AFG2A: variants seen among roughly 807,000 people sequenced by gnomAD.
The protein encoded by AFG2A is AAA ATPase AFG2A, also known as ATPase family gene 2 protein homolog A.
chr4:123,263,472 G>A, the AFG2A span, among the ~76,000 whole-genome samples: 1 of 152,204 alleles, frequency 6.6e-6, no homozygotes, highest in Non-Finnish European at 1.5e-5. Context: ...ATAAACAAAT[G>A]GAGATTTTAC....
At chr4:123,290,916 G>A in the AFG2A span, among the ~76,000 whole-genome samples, 3 of 152,076 alleles carry the variant, frequency 2.0e-5, no homozygotes, top group Admixed American at 1.3e-4. Flanking sequence ...CACTATTATT[G>A]TATTGCTCTC....
the AFG2A span, among the ~76,000 whole-genome samples, chr4:123,220,978 A>G: frequency 2.0e-5 from 3 of 152,176 alleles, no homozygotes; most frequent in South Asian, 2.1e-4. Context: ...TACATCAACT[A>G]TGTAGTATCC....
chr4:123,041,277 ATT>A, the AFG2A span, among the ~76,000 whole-genome samples: 54 of 118,154 alleles, frequency 4.6e-4, 1 homozygote, highest in African/African-American at 6.2e-4. Context: ...CGCCCAGCTA[ATT>A]TTTTTTTTTT....
the AFG2A span, among the ~76,000 whole-genome samples, chr4:123,092,883 C>T: frequency 6.6e-5 from 10 of 152,214 alleles, no homozygotes; most frequent in South Asian, 1.5e-3. Context: ...ATGGAAAACT[C>T]CATTATGTTT....
At chr4:122,999,307 G>A in the AFG2A span, among the ~76,000 whole-genome samples, 54 of 152,126 alleles carry the variant, frequency 3.5e-4, 1 homozygote, top group Non-Finnish European at 6.8e-4. Context: ...AAGTTCTTTG[G>A]TTTAATTAGA....
the AFG2A span, chr4:122,935,603 T>C: frequency 1.5e-6 from 2 of 1,298,044 alleles, no homozygotes; most frequent in Non-Finnish European, 1.0e-6. Context: ...CTTGACTCTT[T>C]TTGTGACGCA....
At chr4:122,991,312 T>A in the AFG2A span, among the ~76,000 whole-genome samples, 1 of 152,204 alleles carries the variant, frequency 6.6e-6, no homozygotes, top group Non-Finnish European at 1.5e-5. Flanking sequence ...AGGCTTGCCT[T>A]CCCTTGCTGC....
the AFG2A span, among the ~76,000 whole-genome samples, chr4:123,117,815 C>T: frequency 6.6e-6 from 1 of 151,028 alleles, no homozygotes; most frequent in Non-Finnish European, 1.5e-5. Context: ...CAGATGAGAT[C>T]TGTATTCTGT....
At chr4:123,125,251 C>G in the AFG2A span, among the ~76,000 whole-genome samples, 1 of 152,156 alleles carries the variant, frequency 6.6e-6, no homozygotes, top group Non-Finnish European at 1.5e-5. Context: ...AAGACAGTAT[C>G]AAATTGTTCT....
At chr4:123,075,717 G>A in the AFG2A span, among the ~76,000 whole-genome samples, 8,135 of 151,776 alleles carry the variant, frequency 0.054, 515 homozygotes, top group African/African-American at 0.16. Flanking sequence ...TAGCACTTAG[G>A]GAGGCTGAGG....
chr4:123,020,259 C>T, the AFG2A span, among the ~76,000 whole-genome samples: 1 of 151,932 alleles, frequency 6.6e-6, no homozygotes, highest in African/African-American at 2.4e-5. Context: ...TGCAGTTTCA[C>T]TGTAGAAAAT....
the AFG2A span, among the ~76,000 whole-genome samples, chr4:123,152,834 A>G: frequency 6.6e-6 from 1 of 152,234 alleles, no homozygotes; most frequent in African/African-American, 2.4e-5. Flanking sequence ...ATAATTGCCA[A>G]AAGTTGGAAG....
the AFG2A span, among the ~76,000 whole-genome samples, chr4:122,940,548 G>A: frequency 7.9e-5 from 12 of 152,250 alleles, no homozygotes; most frequent in African/African-American, 2.4e-4. Flanking sequence ...TGTCAGATGA[G>A]TAGGTTGCGA....
chr4:123,027,232 A>G, the AFG2A span, among the ~76,000 whole-genome samples: 1 of 152,192 alleles, frequency 6.6e-6, no homozygotes, highest in African/African-American at 2.4e-5. Context: ...AAAAAACTTC[A>G]AAGACTTCCA....
the AFG2A span, among the ~76,000 whole-genome samples, chr4:123,195,377 T>C: frequency 6.6e-6 from 1 of 152,182 alleles, no homozygotes; most frequent in Admixed American, 6.5e-5. Context: ...ATTATTAATT[T>C]CAAATTTTGG....
the AFG2A span, among the ~76,000 whole-genome samples, chr4:123,122,064 G>GT: frequency 1.3e-5 from 2 of 151,996 alleles, no homozygotes; most frequent in African/African-American, 4.8e-5. Context: ...TTGATTATTT[G>GT]TTGTTTTGCT....
the AFG2A span, among the ~76,000 whole-genome samples, chr4:123,215,384 G>A: frequency 3.9e-5 from 6 of 151,900 alleles, no homozygotes; most frequent in African/African-American, 1.5e-4. Context: ...GATAAATTGT[G>A]GAAATTTTAA....
the AFG2A span, among the ~76,000 whole-genome samples, chr4:123,172,373 A>T: frequency 6.6e-6 from 1 of 152,228 alleles, no homozygotes; most frequent in African/African-American, 2.4e-5. Context: ...TAGTCTTTGC[A>T]TGATAAATTA....
the AFG2A span, among the ~76,000 whole-genome samples, chr4:123,115,933 T>C: frequency 6.6e-6 from 1 of 152,178 alleles, no homozygotes; most frequent in African/African-American, 2.4e-5. Context: ...AGAGTCTTGT[T>C]CCATCTCCCA....
Sources: allele counts gnomAD v4.1 joint callset (sites outside exome capture counted in the v4.1 genomes callset), GRCh38; gene constraint gnomAD v4.1.1; transcripts MANE v1.5; gene names NCBI Gene and HGNC (gene_info 2026-07-23, HGNC 2026-07-21).